Variants in MPPED1 observed in about 807,000 individuals in gnomAD.
The protein encoded by MPPED1 is metallophosphoesterase domain-containing protein 1.
A neutral mutation model predicts 36.2 loss-of-function variants in MPPED1; 16 were observed. The observed-to-expected ratio is 0.44, with a 90% CI of 0.30 to 0.67. The LOEUF (loss-of-function observed/expected upper bound fraction) is 0.67, where lower values mean the gene tolerates loss of function less well. MPPED1 is among the 30% of genes least tolerant of loss of function. MPPED1 has a pLI of 0.10. For synonymous variants in MPPED1, 199 were observed against 191.3 expected, an observed-to-expected ratio of 1.04 and a Z score of -0.33; for missense variants, 307 against 453.4, an observed-to-expected ratio of 0.68 and a Z score of 2.93.
intron 1 of MPPED1, among the ~76,000 whole-genome samples, chr22:43,415,173 G>T (rs935133682): frequency 4.7e-5 from 6 of 128,110 alleles, no homozygotes; most frequent in Non-Finnish European, 6.3e-5. Flanking sequence ...CTTCCAGACT[G>T]CCACTGAAGT....
Position 43,499,918 on chromosome 22 carries a change from TGGTGGTGGTGATGGTGGA to T in MPPED1, c.748+1579_748+1596del, listed in dbSNP as rs1159653717. Among the ~76,000 whole-genome samples, 157 of 89,230 alleles carry T rather than the reference TGGTGGTGGTGATGGTGGA, an allele frequency of 1.8e-3. 3 individuals are homozygous for T. The highest frequency in any genetic ancestry group is 2.2e-3 in the East Asian group (6 of 2,782). The allele number at this position is 89,230 out of a possible 152,430, so 58.5% of individuals were successfully genotyped here. A position where few individuals can be genotyped will look rare whatever the true frequency, so the allele number is the denominator to read the frequency against. ...GTGGTGGTGGTGATGGTGATGGAGG[TGGTGGTGGTGATGGTGGA>T]GGTGGTGGTGGTGGTGGTGATGGAG... On this transcript the variant is annotated intron_variant, in intron 5 of 6. Coordinates refer to ENST00000443721, the MANE Select transcript of MPPED1 (RefSeq NM_001044370.2).
rs375270440 is a variant in MPPED1 at position 43,435,283 on chromosome 22, G to T, written c.406+68G>T. On this transcript the variant is annotated intron_variant, in intron 3 of 6. Coordinates refer to ENST00000443721, the MANE Select transcript of MPPED1 (RefSeq NM_001044370.2). ...AAGGGGGCTCCCGCCAGCTCCCGAG[G>T]CTGCCTGCCTGCCTTTCCCTCCTGC... 4.0e-3 allele frequency: 5,996 copies of T among 1,507,460 alleles called. 32 individuals carry two copies. The highest frequency in any genetic ancestry group is 0.019 in the Middle Eastern group (107 of 5,546). 93.4% of individuals were successfully genotyped at this position (1,507,460 alleles called of 1,614,324 possible). A position where few individuals can be genotyped will look rare whatever the true frequency, so the allele number is the denominator to read the frequency against.
intron 2 of MPPED1, among the ~76,000 whole-genome samples, chr22:43,426,270 G>A (rs1278924251): frequency 1.3e-5 from 2 of 152,036 alleles, no homozygotes; most frequent in Non-Finnish European, 2.9e-5. Flanking sequence ...TTCTGCTTGA[G>A]AGCGGAGGCC....
chr22:43,423,971 G>C (rs150341713), intron 1 of MPPED1, among the ~76,000 whole-genome samples: 2 of 152,288 alleles, frequency 1.3e-5, no homozygotes, highest in African/African-American at 2.4e-5. Flanking sequence ...CGGCCATTGT[G>C]CTGTGTGTTG....
intron 5 of MPPED1, among the ~76,000 whole-genome samples, chr22:43,500,699 G>C (rs1256649529): frequency 6.6e-6 from 1 of 152,018 alleles, no homozygotes; most frequent in Non-Finnish European, 1.5e-5. Context: ...CCCTGTGCTG[G>C]GTGACACTGG....
intron 4 of MPPED1, among the ~76,000 whole-genome samples, chr22:43,478,694 G>C (rs1045614911): frequency 2.6e-5 from 4 of 152,192 alleles, no homozygotes; most frequent in Admixed American, 1.3e-4. Flanking sequence ...AGAGAGCAGA[G>C]ACTGGGCAGC....
At chr22:43,447,884 T>TATATATATATATATATATATATA (rs1491157280) in intron 3 of MPPED1, among the ~76,000 whole-genome samples, 23 of 46,176 alleles carry the variant, frequency 5.0e-4, no homozygotes, top group South Asian at 1.5e-3. Context: ...TATATATATA[T>TATATATATATATATATATATATA]TTTTTTTTTT....
rs183365251 is a variant in MPPED1 at position 43,439,813 on chromosome 22, C to T, written c.406+4598C>T. Among the ~76,000 whole-genome samples, 514 of 152,320 alleles carry T rather than the reference C, an allele frequency of 3.4e-3. 4 individuals are homozygous for T. The highest frequency in any genetic ancestry group is 0.011 in the African/African-American group (442 of 41,570). Reference sequence around the variant, plus strand: ...CAGCACCATTTCCCTCCAGCCACACCGTCCAGCTGGACTCCTCACTCGTAG... The same window carrying T: ...CAGCACCATTTCCCTCCAGCCACACTGTCCAGCTGGACTCCTCACTCGTAG... On this transcript the variant is annotated intron_variant, in intron 3 of 6. Coordinates refer to ENST00000443721, the MANE Select transcript of MPPED1 (RefSeq NM_001044370.2).
intron 1 of MPPED1, among the ~76,000 whole-genome samples, chr22:43,415,074 T>C (rs557753216): frequency 9.2e-5 from 14 of 152,124 alleles, no homozygotes; most frequent in African/African-American, 3.1e-4. Flanking sequence ...CCGTTTAATG[T>C]AGCCTGGGGC....
At chr22:43,465,181 C>G (rs908577889) in intron 3 of MPPED1, among the ~76,000 whole-genome samples, 1 of 152,252 alleles carries the variant, frequency 6.6e-6, no homozygotes, top group Non-Finnish European at 1.5e-5. Flanking sequence ...TGAGCCGACT[C>G]TCAGGCCAGG....
intron 3 of MPPED1, among the ~76,000 whole-genome samples, chr22:43,457,617 T>C (rs933942258): frequency 5.3e-5 from 8 of 152,180 alleles, no homozygotes; most frequent in African/African-American, 1.7e-4. Flanking sequence ...TTCTTTTGTG[T>C]TAAATAGATA....
chr22:43,434,028 G>C (rs890775719), intron 2 of MPPED1, among the ~76,000 whole-genome samples: 15 of 152,298 alleles, frequency 9.8e-5, no homozygotes, highest in African/African-American at 3.6e-4. Context: ...GGGAGCCAGG[G>C]TCTTAGCCCA....
chr22:43,466,771 G>A (rs898293871), intron 3 of MPPED1, among the ~76,000 whole-genome samples: 6 of 152,078 alleles, frequency 3.9e-5, no homozygotes, highest in Admixed American at 2.0e-4. Flanking sequence ...AGAATTATTC[G>A]AACTAGACAG....
At chr22:43,463,819 C>CT (rs1480549521) in intron 3 of MPPED1, among the ~76,000 whole-genome samples, 6 of 83,512 alleles carry the variant, frequency 7.2e-5, no homozygotes, top group East Asian at 3.2e-4. Flanking sequence ...TTCTTTCTTT[C>CT]TTTCTTTCTT....
At chr22:43,498,791 C>T (rs1482862461) in intron 5 of MPPED1, among the ~76,000 whole-genome samples, 1 of 151,842 alleles carries the variant, frequency 6.6e-6, no homozygotes, top group Non-Finnish European at 1.5e-5. Flanking sequence ...CATCTCTCCT[C>T]TCTGCCCCCA....
At chr22:43,458,848 C>T (rs1930846822) in intron 3 of MPPED1, among the ~76,000 whole-genome samples, 1 of 152,132 alleles carries the variant, frequency 6.6e-6, no homozygotes, top group South Asian at 2.1e-4. Context: ...TTGTATATCC[C>T]ACTGCCTTCT....
intron 4 of MPPED1, among the ~76,000 whole-genome samples, chr22:43,483,527 G>A (rs1931814256): frequency 6.6e-6 from 1 of 152,284 alleles, no homozygotes; most frequent in South Asian, 2.1e-4. Flanking sequence ...CTCTGCGTGA[G>A]ACACAGGCGG....
At chr22:43,442,288 T>G (rs111631426) in intron 3 of MPPED1, among the ~76,000 whole-genome samples, 5,594 of 151,958 alleles carry the variant, frequency 0.037, 339 homozygotes, top group African/African-American at 0.13. Context: ...TCCCCTCCCT[T>G]CTTCCCACCT....
intron 1 of MPPED1, among the ~76,000 whole-genome samples, chr22:43,412,569 G>T (rs113524481): frequency 3.3e-5 from 5 of 152,126 alleles, no homozygotes; most frequent in Non-Finnish European, 1.5e-5. Flanking sequence ...CTGGCACTTG[G>T]GGGGGAAGAG....
Sources: allele counts gnomAD v4.1 joint callset (sites outside exome capture counted in the v4.1 genomes callset), GRCh38; gene constraint gnomAD v4.1.1; transcripts MANE v1.5; gene names NCBI Gene and HGNC (gene_info 2026-07-23, HGNC 2026-07-21).